Variants in ENOX1 observed in about 807,000 individuals in gnomAD.
ENOX1 encodes the protein ecto-NOX disulfide-thiol exchanger 1, also known as candidate growth-related and time keeping constitutive hydroquinone (NADH) oxidase.
In ENOX1, 42 loss-of-function variants were observed where a neutral mutation model predicts 82.5. The observed-to-expected ratio is 0.51, with a 90% confidence interval of 0.40 to 0.66. The LOEUF (loss-of-function observed/expected upper bound fraction) is 0.66. ENOX1 is among the 30% of genes least tolerant of loss of function. ENOX1 has a pLI of 0.00. For synonymous variants in ENOX1, 271 were observed against 282.2 expected (o/e 0.96, Z 0.40); for missense variants, 608 against 811.6 (o/e 0.75, Z 3.05).
chr13:43,703,830 T>A (rs1360924472), intron 1 of ENOX1, among the ~76,000 whole-genome samples: 1 of 152,014 alleles, frequency 6.6e-6, no homozygotes, highest in Non-Finnish European at 1.5e-5. Context: ...TTTCCTATTT[T>A]AAAAAATGAC....
At chr13:43,610,711 C>T (rs962158190) in intron 2 of ENOX1, among the ~76,000 whole-genome samples, 33 of 147,586 alleles carry the variant, frequency 2.2e-4, no homozygotes, top group East Asian at 1.0e-3. Flanking sequence ...TTTCAAAGTT[C>T]TTTTATTTAC....
intron 2 of ENOX1, among the ~76,000 whole-genome samples, chr13:43,502,657 C>G (rs986943896): frequency 3.3e-5 from 5 of 151,402 alleles, no homozygotes; most frequent in Non-Finnish European, 7.4e-5. Context: ...AAATTAAACA[C>G]GCTTTCATAA....
At chr13:43,524,896 G>GTGGAGC (rs968680390) in intron 2 of ENOX1, among the ~76,000 whole-genome samples, 11 of 152,086 alleles carry the variant, frequency 7.2e-5, no homozygotes, top group Admixed American at 1.3e-4. Context: ...CTCATTTGTT[G>GTGGAGC]TGGAGCAGCA....
At chr13:43,530,553 C>T (rs1566461574) in intron 2 of ENOX1, among the ~76,000 whole-genome samples, 1 of 152,078 alleles carries the variant, frequency 6.6e-6, no homozygotes. Context: ...AAAATAGTTA[C>T]CTTTACCCAC....
At chr13:43,699,038 T>C (rs1421783428) in intron 1 of ENOX1, among the ~76,000 whole-genome samples, 3 of 152,146 alleles carry the variant, frequency 2.0e-5, no homozygotes, top group Admixed American at 6.6e-5. Flanking sequence ...TGGGAAGCAA[T>C]TGCATAATGA....
chr13:43,339,723 G>A (rs573370307), intron 9 of ENOX1, among the ~76,000 whole-genome samples: 2 of 152,324 alleles, frequency 1.3e-5, no homozygotes, highest in East Asian at 3.9e-4. Flanking sequence ...TGGAGAGGGA[G>A]CAGTTGGGGC....
intron 5 of ENOX1, among the ~76,000 whole-genome samples, chr13:43,365,139 G>C (rs1594160877): frequency 6.6e-6 from 1 of 152,152 alleles, no homozygotes; most frequent in African/African-American, 2.4e-5. Context: ...TCTGCTGCCC[G>C]CTAGCCATGC....
intron 5 of ENOX1, among the ~76,000 whole-genome samples, chr13:43,380,789 TA>T (rs1339403865): frequency 6.6e-6 from 1 of 151,620 alleles, no homozygotes; most frequent in Non-Finnish European, 1.5e-5. Context: ...GAATTTCAGA[TA>T]AAAAATATAA....
In ENOX1 at chr13:43,406,844, T is replaced by C. The variant is rs530641035; in HGVS notation, c.208+5072A>G. 2.6e-5 allele frequency among the ~76,000 whole-genome samples: 4 copies of C among 152,250 alleles called. No individual in the cohort carries two copies. In the South Asian group the frequency reaches 8.3e-4, roughly 32 times the overall value. On this transcript the variant is annotated intron_variant, in intron 5 of 16. Transcript: ENST00000690772. ...GTTTAAAATAGCACAAATGGCATGC[T>C]AAGAAGCTTGGAGTAAAAGATGTGC...
chr13:43,609,317 G>A (rs569032339), intron 2 of ENOX1, among the ~76,000 whole-genome samples: 80 of 152,228 alleles, frequency 5.3e-4, no homozygotes, highest in Non-Finnish European at 9.0e-4. Context: ...ATTTGCAACT[G>A]TATAGATAGC....
intron 2 of ENOX1, among the ~76,000 whole-genome samples, chr13:43,557,681 C>T (rs1402777042): frequency 6.6e-6 from 1 of 152,128 alleles, no homozygotes; most frequent in Non-Finnish European, 1.5e-5. Context: ...ACCCATAGTT[C>T]CAGCTACTCA....
chr13:43,288,322 T>A (rs1361655860), intron 12 of ENOX1, among the ~76,000 whole-genome samples: 2 of 152,204 alleles, frequency 1.3e-5, no homozygotes, highest in African/African-American at 4.8e-5. Flanking sequence ...ATGTGGGAAA[T>A]GTCTTCTGCA....
intron 3 of ENOX1, among the ~76,000 whole-genome samples, chr13:43,420,702 G>A (rs183262526): frequency 7.2e-5 from 11 of 152,264 alleles, no homozygotes; most frequent in African/African-American, 2.2e-4. Context: ...GTTTCACTGG[G>A]AAGCATACAG....
At chr13:43,398,965 T>G (rs1459408253) in intron 5 of ENOX1, among the ~76,000 whole-genome samples, 1 of 150,736 alleles carries the variant, frequency 6.6e-6, no homozygotes, top group Non-Finnish European at 1.5e-5. Flanking sequence ...CCCCACTAAT[T>G]TTTTTTTTCA....
chr13:43,636,845 A>C (rs1279118392), intron 2 of ENOX1, among the ~76,000 whole-genome samples: 2 of 152,152 alleles, frequency 1.3e-5, no homozygotes, highest in Non-Finnish European at 2.9e-5. Context: ...ACTAAGGAAA[A>C]GGGAGGGAGG....
intron 7 of ENOX1, among the ~76,000 whole-genome samples, chr13:43,358,547 G>A (rs1175245826): frequency 1.3e-5 from 2 of 151,876 alleles, no homozygotes; most frequent in Non-Finnish European, 2.9e-5. Flanking sequence ...CCCAGGATAG[G>A]GTTCTTGAGA....
intron 5 of ENOX1, chr13:43,394,829 C>T (rs76288175): frequency 0.037 from 5,549 of 150,076 alleles, 145 homozygotes; most frequent in South Asian, 0.092. Flanking sequence ...CCAAGAAGGA[C>T]GAATTCCTCC....
chr13:43,713,762 C>T (rs1280170834), intron 1 of ENOX1, among the ~76,000 whole-genome samples: 3 of 150,870 alleles, frequency 2.0e-5, no homozygotes, highest in Non-Finnish European at 4.4e-5. Flanking sequence ...TGGTGATATC[C>T]CCTTTATCAT....
chr13:43,554,197 CT>C lies in ENOX1; in HGVS notation c.-218-70046del, dbSNP rs779311485. 2.0e-4 allele frequency among the ~76,000 whole-genome samples: 31 copies of C among 152,212 alleles called. No homozygotes were observed. The East Asian group carries it at 4.2e-3, about 21-fold the overall frequency. ...GAGATTCCAAAGAGATTTTCCATCCCTCCCGAATCATATGGAATGCGAAAGG... is the reference window on the plus strand; with the variant it reads ...GAGATTCCAAAGAGATTTTCCATCCCCCCGAATCATATGGAATGCGAAAGG... On this transcript the variant is annotated intron_variant, in intron 2 of 16. Coordinates refer to ENST00000690772, the MANE Select transcript of ENOX1 (RefSeq NM_001347969.2).
Sources: gnomAD v4.1 joint callset for allele counts (sites outside exome capture counted in the v4.1 genomes callset) on GRCh38, gnomAD v4.1.1 for gene constraint, MANE v1.5 for transcripts, NCBI Gene and HGNC (gene_info 2026-07-23, HGNC 2026-07-21) for gene names.